Variants in SLMAP observed in about 807,000 individuals in gnomAD.
The protein encoded by SLMAP is sarcolemmal membrane-associated protein.
Under a neutral mutation model 128.8 loss-of-function variants are expected in SLMAP, and 44 were observed. The observed-to-expected ratio is 0.34, with a 90% confidence interval of 0.27 to 0.44. SLMAP has a LOEUF of 0.44. Among genes scored for constraint, SLMAP ranks in the 20% least tolerant of loss-of-function variants. The probability of loss-of-function intolerance (pLI) is 1.00; values close to 1 mark genes in which losing one functional copy is unlikely to be tolerated. For missense variants in SLMAP, 787 were observed against 985.3 expected (o/e 0.80, Z 2.69); for synonymous variants, 327 against 348.8 (o/e 0.94, Z 0.70).
chr3:57,780,544 T>G (rs922542541), intron 2 of SLMAP, among the ~76,000 whole-genome samples: 1 of 152,198 alleles, frequency 6.6e-6, no homozygotes, highest in African/African-American at 2.4e-5. Context: ...ATCTTATATA[T>G]CTTGATCTGG....
chr3:57,882,816 A>G (rs1230124826), intron 14 of SLMAP, among the ~76,000 whole-genome samples: 1 of 152,166 alleles, frequency 6.6e-6, no homozygotes, highest in African/African-American at 2.4e-5. Flanking sequence ...ATCTTCTGAT[A>G]TGTGTTTATA....
chr3:57,795,322 G>A (rs1282250769), intron 2 of SLMAP, among the ~76,000 whole-genome samples: 1 of 152,104 alleles, frequency 6.6e-6, no homozygotes, highest in African/African-American at 2.4e-5. Context: ...GGCGGATCAC[G>A]AGTTCAGGAG....
chr3:57,838,360 C>G (rs1242394366), intron 3 of SLMAP, among the ~76,000 whole-genome samples: 1 of 152,102 alleles, frequency 6.6e-6, no homozygotes, highest in Non-Finnish European at 1.5e-5. Flanking sequence ...GTGGTTCCTA[C>G]AAATAGAGAT....
intron 2 of SLMAP, among the ~76,000 whole-genome samples, chr3:57,781,377 T>C (rs1469270990): frequency 6.6e-6 from 1 of 152,168 alleles, no homozygotes; most frequent in Non-Finnish European, 1.5e-5. Context: ...TTGAAAAGGC[T>C]GTAAAAAGAA....
chr3:57,927,242 G>A, intron 24 of SLMAP, 54 bp from the exon 25 acceptor site: 1 of 1,135,566 alleles, frequency 8.8e-7, no homozygotes, highest in Non-Finnish European at 1.3e-6. Flanking sequence ...GGGTTAATAG[G>A]TATGAAAAGA....
chr3:57,765,233 A>G (rs1189039513), intron 2 of SLMAP, among the ~76,000 whole-genome samples: 2 of 152,186 alleles, frequency 1.3e-5, no homozygotes, highest in East Asian at 3.9e-4. Context: ...GTCTCTAAAA[A>G]ACAAAAAGTT....
At chr3:57,875,476 T>G (rs960164961) in intron 14 of SLMAP, among the ~76,000 whole-genome samples, 1 of 152,092 alleles carries the variant, frequency 6.6e-6, no homozygotes, top group African/African-American at 2.4e-5. Flanking sequence ...GATCACACCA[T>G]TGCACTCCAG....
intron 3 of SLMAP, 96 bp downstream of exon 3, chr3:57,831,626 G>A: frequency 1.2e-6 from 1 of 855,506 alleles, no homozygotes; most frequent in Non-Finnish European, 1.7e-6. Flanking sequence ...ACATGCTTGT[G>A]AAAGCGATTT....
chr3:57,907,004 C>T (rs564729494), intron 17 of SLMAP, among the ~76,000 whole-genome samples: 1 of 151,340 alleles, frequency 6.6e-6, no homozygotes, highest in South Asian at 2.1e-4. Flanking sequence ...TTAATATATT[C>T]AGCAGATTTT....
chr3:57,919,795 CAAAA>C (rs773758598), intron 22 of SLMAP, among the ~76,000 whole-genome samples: 3 of 119,220 alleles, frequency 2.5e-5, no homozygotes, highest in African/African-American at 9.4e-5. Flanking sequence ...AACTCCATCT[CAAAA>C]AAAAAAAAAA....
intron 2 of SLMAP, among the ~76,000 whole-genome samples, chr3:57,823,327 G>A (rs1489145998): frequency 2.6e-5 from 4 of 152,064 alleles, no homozygotes; most frequent in Admixed American, 1.3e-4. Context: ...CCATTAACTC[G>A]TCATTTAACA....
chr3:57,849,656 T>C (rs1193130193), intron 5 of SLMAP, 98 bp from the exon 6 acceptor site: 6 of 717,778 alleles, frequency 8.4e-6, no homozygotes, highest in African/African-American at 1.8e-5. Context: ...ATAACAGTTA[T>C]TTTGCATATT....
At chr3:57,893,672 G>A (rs1177969601) in intron 15 of SLMAP, among the ~76,000 whole-genome samples, 1 of 152,082 alleles carries the variant, frequency 6.6e-6, no homozygotes, top group East Asian at 1.9e-4. Context: ...AGGGAGAGCT[G>A]TTTTCCTGTT....
intron 2 of SLMAP, among the ~76,000 whole-genome samples, chr3:57,783,321 G>A (rs533961863): frequency 4.6e-5 from 7 of 152,328 alleles, no homozygotes; most frequent in South Asian, 2.1e-4. Flanking sequence ...ATTCCGATGA[G>A]CTCTCAGATG....
intron 21 of SLMAP, 95 bp from the exon 22 acceptor site, chr3:57,916,811 C>G (rs1278383156): frequency 2.1e-6 from 2 of 958,514 alleles, no homozygotes; most frequent in East Asian, 2.4e-5. Flanking sequence ...CTGAAATCCA[C>G]TCTATCCCTT....
At chr3:57,882,696 G>T (rs1011777646) in intron 14 of SLMAP, among the ~76,000 whole-genome samples, 1 of 152,140 alleles carries the variant, frequency 6.6e-6, no homozygotes, top group Non-Finnish European at 1.5e-5. Context: ...TTGGCCCTGT[G>T]GGGGTATAGT....
intron 8 of SLMAP, among the ~76,000 whole-genome samples, chr3:57,858,800 G>T (rs566195486): frequency 7.6e-4 from 115 of 152,148 alleles, no homozygotes; most frequent in Non-Finnish European, 1.4e-3. Context: ...AAATTAGCCG[G>T]GCATGGTGGC....
chr3:57,770,991 T>C (rs1324314293), intron 2 of SLMAP, among the ~76,000 whole-genome samples: 1 of 152,156 alleles, frequency 6.6e-6, no homozygotes, highest in Non-Finnish European at 1.5e-5. Flanking sequence ...GCTCCAAAAT[T>C]CAGAACTTTT....
chr3:57,888,959 A>T (rs1395711634), intron 14 of SLMAP, among the ~76,000 whole-genome samples: 2 of 150,984 alleles, frequency 1.3e-5, no homozygotes, highest in East Asian at 3.9e-4. Context: ...ATCTCTGCTC[A>T]CTGCAAGCTC....
Sources: allele counts gnomAD v4.1 joint callset (sites outside exome capture counted in the v4.1 genomes callset), GRCh38; gene constraint gnomAD v4.1.1; transcripts MANE v1.5; gene names NCBI Gene and HGNC (gene_info 2026-07-23, HGNC 2026-07-21).